The following PLSCR5 variants were observed in gnomAD, a reference collection of about 807,000 sequenced individuals.
The protein encoded by PLSCR5 is phospholipid scramblase family member 5, also known as phospholipid scramblase family, member 5.
PLSCR5 carries 44 observed loss-of-function variants against 33.6 expected under a neutral mutation model. The observed-to-expected ratio is 1.31, with a 90% confidence interval of 1.03 to 1.69. The LOEUF (loss-of-function observed/expected upper bound fraction) is 1.69. Among genes scored for constraint, PLSCR5 ranks in the 40% most tolerant of loss-of-function variants. The probability of loss-of-function intolerance (pLI) is 0.00; values close to 1 mark genes in which losing one functional copy is unlikely to be tolerated. For synonymous variants in PLSCR5, 148 were observed against 112.3 expected (o/e 1.32, Z -2.01); for missense variants, 375 against 318.7 (o/e 1.18, Z -1.34).
chr3:146,580,804 A>G (rs779193179), intron 7 of PLSCR5, among the ~76,000 whole-genome samples: 2 of 152,072 alleles, frequency 1.3e-5, no homozygotes, highest in Non-Finnish European at 2.9e-5. Flanking sequence ...CTTTTCCTAA[A>G]TATTCTTAAG....
intron 6 of PLSCR5, among the ~76,000 whole-genome samples, chr3:146,588,245 T>C (rs1465420955): frequency 6.6e-6 from 1 of 151,828 alleles, no homozygotes; most frequent in Non-Finnish European, 1.5e-5. Flanking sequence ...CCAAAGCGGG[T>C]GGATCACGAG....
downstream of PLSCR5, among the ~76,000 whole-genome samples, chr3:146,584,092 G>C (rs917361972): frequency 1.3e-5 from 2 of 152,130 alleles, no homozygotes; most frequent in South Asian, 2.1e-4. Context: ...ATTTTCCTTT[G>C]TTATCATTTC....
chr3:146,605,153 A>G, intron 1 of PLSCR5, 47 bp downstream of exon 1: 1 of 1,549,208 alleles, frequency 6.5e-7, no homozygotes, highest in Non-Finnish European at 8.9e-7. Flanking sequence ...GTATATTTTT[A>G]GTCTTAATAT....
At chr3:146,588,572 C>CAT (rs1205899912) in intron 6 of PLSCR5, among the ~76,000 whole-genome samples, 2 of 151,972 alleles carry the variant, frequency 1.3e-5, no homozygotes, top group African/African-American at 4.8e-5. Context: ...CACATATACA[C>CAT]ACACACACAC....
At chr3:146,594,648 A>C (rs948347707) in intron 3 of PLSCR5, among the ~76,000 whole-genome samples, 1 of 152,078 alleles carries the variant, frequency 6.6e-6, no homozygotes, top group Non-Finnish European at 1.5e-5. Context: ...ATGCTTGTAA[A>C]TTTGTAGATT....
chr3:146,600,504 G>A, intron 1 of PLSCR5, 41 bp from the exon 2 acceptor site: 30 of 1,493,882 alleles, frequency 2.0e-5, no homozygotes, highest in Non-Finnish European at 2.6e-5. Flanking sequence ...TTAAATTTAG[G>A]CCATTTTATT....
intron 6 of PLSCR5, among the ~76,000 whole-genome samples, chr3:146,588,943 A>AT (rs200758326): frequency 0.055 from 8,416 of 152,258 alleles, 357 homozygotes; most frequent in South Asian, 0.092. Flanking sequence ...ATGTGTTTAT[A>AT]TATCAACAAA....
chr3:146,584,454 A>G (rs1176523315), downstream of PLSCR5, among the ~76,000 whole-genome samples: 3 of 152,188 alleles, frequency 2.0e-5, no homozygotes, highest in Non-Finnish European at 4.4e-5. Context: ...TCCAGAATGA[A>G]GGTGATACCA....
intron 7 of PLSCR5, among the ~76,000 whole-genome samples, chr3:146,576,985 AG>A (rs2044602667): frequency 6.6e-6 from 1 of 151,220 alleles, no homozygotes; most frequent in Admixed American, 6.6e-5. Context: ...TAGAATTACT[AG>A]TCTTTTTTTA....
chr3:146,599,587 T>C (rs1576823880), intron 2 of PLSCR5, among the ~76,000 whole-genome samples: 1 of 152,138 alleles, frequency 6.6e-6, no homozygotes, highest in South Asian at 2.1e-4. Flanking sequence ...TTCGTGCTTT[T>C]TATATGTCTC....
chr3:146,584,410 A>G (rs17354202), downstream of PLSCR5, among the ~76,000 whole-genome samples: 1 of 152,000 alleles, frequency 6.6e-6, no homozygotes, highest in Non-Finnish European at 1.5e-5. Flanking sequence ...CTATTGCATA[A>G]AAGGTTTTTG....
chr3:146,589,473 C>T (rs1269927072), intron 6 of PLSCR5, 180 bp downstream of exon 6: 1 of 474,132 alleles, frequency 2.1e-6, no homozygotes, highest in Non-Finnish European at 3.4e-6. Context: ...GAGGGGCTGC[C>T]TAACAGAAAT....
At position 146,589,719 on chromosome 3, in the gene PLSCR5, T is replaced by A. The variant is rs1280591898; in HGVS notation, c.711A>T (p.Gly237=). Residue 237 remains glycine (G), a synonymous_variant, in exon 6 of 8, where the codon GGA becomes GGT. Transcript: ENST00000443512. ...CATCTAGATCTGCAGGAACATGAAT[T>A]CCGAAATTGTCAGCATTTGTGAAGA... ...NDVFTNADNF[G]IHVPADLDVT... The A allele has an allele frequency of 1.1e-5, 17 of 1,603,348 alleles. No individual in the cohort carries two copies. The highest frequency in any genetic ancestry group is 1.5e-5 in the Non-Finnish European group (17 of 1,171,938).
At position 146,595,834 on chromosome 3, in the gene PLSCR5, A is replaced by G. The variant is rs2044756174; in HGVS notation, c.190-751T>C. ...TGGCCTCTCCTCTTAACCTCTGCCT[A>G]CGTCTACTATCACTCTGTCAAACTG... is the stretch of plus-strand genomic sequence containing the variant. On this transcript the variant is annotated intron_variant, in intron 2 of 7. Transcript: ENST00000443512. Among the ~76,000 whole-genome samples, 2 of 152,168 alleles carry G rather than the reference A, an allele frequency of 1.3e-5. 1 individual carries two copies. Among genetic ancestry groups the G allele is most frequent in the South Asian group, 4.1e-4 (2 of 4,826 alleles).
chr3:146,577,660 C>T (rs532104031), intron 7 of PLSCR5, among the ~76,000 whole-genome samples: 81 of 152,178 alleles, frequency 5.3e-4, no homozygotes, highest in African/African-American at 1.9e-3. Flanking sequence ...ATAGTAATTA[C>T]TAAACTTTCA....
At chr3:146,602,273 G>A (rs2044823281) in intron 1 of PLSCR5, among the ~76,000 whole-genome samples, 1 of 152,006 alleles carries the variant, frequency 6.6e-6, no homozygotes, top group Non-Finnish European at 1.5e-5. Flanking sequence ...GTCAGATTTG[G>A]GAGAAGAGCT....
chr3:146,599,138 A>G (rs2044788158), intron 2 of PLSCR5, among the ~76,000 whole-genome samples: 2 of 152,220 alleles, frequency 1.3e-5, no homozygotes, highest in Admixed American at 6.5e-5. Flanking sequence ...AATAATATAC[A>G]TACATGAATA....
intron 2 of PLSCR5, among the ~76,000 whole-genome samples, chr3:146,596,229 C>T (rs1206254979): frequency 6.6e-6 from 1 of 152,114 alleles, no homozygotes; most frequent in South Asian, 2.1e-4. Context: ...AGCTTTGTGG[C>T]CCAGGCTGGA....
rs1392423812 is a variant in PLSCR5 at position 146,593,480 on chromosome 3, G to A, written c.453+440C>T. ...CAAACCTTGGGCTTTGTCATAAATG[G>A]GTAAATGCATTGTGAGATTCCATAC... On this transcript the variant is annotated intron_variant, in intron 4 of 7. Transcript: ENST00000443512. Among the ~76,000 whole-genome samples, 5 of 151,990 alleles carry A rather than the reference G, an allele frequency of 3.3e-5. 1 individual carries two copies. In the South Asian group the frequency reaches 8.3e-4, roughly 25 times the overall value.
Sources: allele counts gnomAD v4.1 joint callset (sites outside exome capture counted in the v4.1 genomes callset), GRCh38; gene constraint gnomAD v4.1.1; transcripts MANE v1.5; gene names NCBI Gene and HGNC (gene_info 2026-07-23, HGNC 2026-07-21).